Variants in HACD1 observed in about 807,000 individuals in gnomAD.
HACD1 encodes 3-hydroxyacyl-CoA dehydratase 1, also known as very-long-chain (3R)-3-hydroxyacyl-CoA dehydratase 1.
In HACD1, 41 loss-of-function variants were observed where a neutral mutation model predicts 32.0. The ratio of observed to expected loss-of-function variants is 1.28; its 90% CI spans 1.00 to 1.66. The LOEUF (loss-of-function observed/expected upper bound fraction) is 1.66. Among genes scored for constraint, HACD1 ranks in the 40% most tolerant of loss-of-function variants. The pLI, the probability that HACD1 is intolerant of heterozygous loss-of-function variation, is 0.00. For synonymous variants in HACD1, 142 were observed against 139.0 expected (o/e 1.02, Z -0.15); for missense variants, 396 against 380.1 (o/e 1.04, Z -0.35).
chr10:17,590,541 A>G (rs1833915655), intron 6 of HACD1, 95 bp from the exon 7 acceptor site: 17 of 832,044 alleles, frequency 2.0e-5, no homozygotes, highest in African/African-American at 3.4e-5. Context: ...GAGAGTAAAT[A>G]CATCCCATAC....
At chr10:17,616,915 C>A (rs890819929) in intron 1 of HACD1, among the ~76,000 whole-genome samples, 168 bp downstream of exon 1, 1 of 151,936 alleles carries the variant, frequency 6.6e-6, no homozygotes, top group African/African-American at 2.4e-5. Flanking sequence ...CCGGCCCCCC[C>A]GCCCGCTCCA....
At position 17,589,135 on chromosome 10, in the gene HACD1, C is replaced by T. The variant is rs1365734062; in HGVS notation, c.*1229G>A. On this transcript the variant is annotated 3_prime_UTR_variant, in exon 7 of 7. Coordinates refer to ENST00000361271, the MANE Select transcript of HACD1 (RefSeq NM_014241.4). The stretch of plus-strand genomic sequence containing the variant: ...GAAAGGAGTCTGTCCAAAGATCATA[C>T]CCCAAAATGTTTAGTTACCTAAGTA... 1 of 152,064 alleles carries T rather than the reference C, an allele frequency of 6.6e-6. No homozygotes were observed. Among genetic ancestry groups the T allele is most frequent in the Non-Finnish European group, 1.5e-5 (1 of 68,018 alleles). 9.4% of individuals were successfully genotyped at this position (152,064 alleles called of 1,614,324 possible). A position where few individuals can be genotyped will look rare whatever the true frequency, so the allele number is the denominator to read the frequency against.
intron 2 of HACD1, 49 bp from the exon 3 acceptor site, chr10:17,603,793 A>C: frequency 6.4e-7 from 1 of 1,553,194 alleles, no homozygotes; most frequent in Non-Finnish European, 8.9e-7. Context: ...GAAAACATTA[A>C]ATAAACCACT....
At chr10:17,602,445 TTAATTAGATTCAA>T (rs1834084251) in intron 4 of HACD1, among the ~76,000 whole-genome samples, 1 of 152,188 alleles carries the variant, frequency 6.6e-6, no homozygotes, top group African/African-American at 2.4e-5. Flanking sequence ...GTTTGAATCA[TTAATTAGATTCAA>T]TAATTAGGTC....
chr10:17,611,998 C>T (rs1375422029), intron 1 of HACD1, among the ~76,000 whole-genome samples: 2 of 149,410 alleles, frequency 1.3e-5, no homozygotes, highest in Non-Finnish European at 3.0e-5. Context: ...ATCTGCCAGG[C>T]ATGGTAGCAC....
At chr10:17,603,349 C>T (rs1448984848) in intron 4 of HACD1, 10 of 477,358 alleles carry the variant, frequency 2.1e-5, no homozygotes, top group Non-Finnish European at 3.3e-5. Flanking sequence ...GAATATATTA[C>T]GGATCTAAGA....
chr10:17,609,155 G>GTTTTT (rs56347429), intron 1 of HACD1, among the ~76,000 whole-genome samples: 1 of 132,126 alleles, frequency 7.6e-6, no homozygotes. Context: ...TGTGCAAAAG[G>GTTTTT]TTTTTTTTTT....
chr10:17,603,843 A>C, intron 2 of HACD1, 87 bp downstream of exon 2: 1 of 1,465,346 alleles, frequency 6.8e-7, no homozygotes, highest in Non-Finnish European at 9.5e-7. Context: ...GTGGTATGTA[A>C]TCAGCAAAAT....
At chr10:17,597,223 C>T (rs764180622) in intron 5 of HACD1, among the ~76,000 whole-genome samples, 3 of 152,194 alleles carry the variant, frequency 2.0e-5, no homozygotes, top group Non-Finnish European at 4.4e-5. Context: ...TCTCAGATCA[C>T]TGCAACCTCC....
At chr10:17,610,118 G>C (rs1834211889) in intron 1 of HACD1, among the ~76,000 whole-genome samples, 1 of 152,058 alleles carries the variant, frequency 6.6e-6, no homozygotes, top group East Asian at 1.9e-4. Flanking sequence ...CATGCTTATA[G>C]CTTGATTTGT....
Sources: allele counts gnomAD v4.1 joint callset (sites outside exome capture counted in the v4.1 genomes callset), GRCh38; gene constraint gnomAD v4.1.1; transcripts MANE v1.5; gene names NCBI Gene and HGNC (gene_info 2026-07-23, HGNC 2026-07-21).